RAB19: variants seen among roughly 807,000 people sequenced by gnomAD.
RAB19 encodes the protein RAB19, member RAS oncogene family.
In RAB19, 21 loss-of-function variants were observed where a neutral mutation model predicts 17.3. That is an observed-to-expected ratio of 1.21 (90% CI 0.86 to 1.74). The LOEUF (loss-of-function observed/expected upper bound fraction) is 1.74, where lower values mean the gene tolerates loss of function less well. Among genes scored for constraint, RAB19 ranks in the 40% most tolerant of loss-of-function variants. The pLI is 0.00. For missense variants in RAB19, 277 were observed against 286.8 expected (o/e 0.97, Z 0.25); for synonymous variants, 126 against 110.4 (o/e 1.14, Z -0.88).
intron 3 of RAB19, among the ~76,000 whole-genome samples, chr7:140,419,880 T>A (rs562284293): frequency 1.3e-3 from 197 of 152,330 alleles, no homozygotes; most frequent in African/African-American, 4.7e-3. Flanking sequence ...TTTCCCTGTT[T>A]ATTAATGAGA....
rs1413162236 is a variant in RAB19, at chr7:140,427,742, G to A, written c.*1592G>A. Among the ~76,000 whole-genome samples the A allele has an allele frequency of 3.3e-5, 5 of 151,020 alleles. No individual in the cohort carries two copies. The highest frequency in any genetic ancestry group is 7.4e-5 in the Non-Finnish European group (5 of 67,836). On this transcript the variant is annotated 3_prime_UTR_variant, in exon 4 of 4. Coordinates refer to ENST00000537763, the MANE Select transcript of RAB19 (RefSeq NM_001008749.3). ...GCTGGGATTACAGGTGTGAACCACC[G>A]CACCTGGCCTTTTTTTATTATTATT...
chr7:140,417,235 C>A (rs1006525036), intron 3 of RAB19, among the ~76,000 whole-genome samples: 247 of 116,548 alleles, frequency 2.1e-3, no homozygotes, highest in Middle Eastern at 4.4e-3. Context: ...GACTCTGTCT[C>A]AAAAAAAAAA....
chr7:140,420,339 T>C (rs1799534625), intron 3 of RAB19, among the ~76,000 whole-genome samples: 1 of 148,720 alleles, frequency 6.7e-6, no homozygotes. Flanking sequence ...GAGAATCGCT[T>C]GAACCCAGGA....
Position 140,407,698 on chromosome 7 carries a change from T to C in RAB19, c.52T>C (p.Phe18Leu), listed in dbSNP as rs1799269006. 1 of 1,614,010 alleles carries C rather than the reference T, an allele frequency of 6.2e-7. No individual in the cohort carries two copies. The highest frequency in any genetic ancestry group is 8.5e-7 in the Non-Finnish European group (1 of 1,180,030). Residue 18 changes from phenylalanine (F) to leucine (L), a missense_variant, in exon 2 of 4, where the codon TTC (phenylalanine) becomes CTC (leucine). By Grantham distance (22) the Phe-to-Leu change is conservative (BLOSUM62 0). Transcript: ENST00000537763. ...RAADENFDYL[F>L]KIILIGDSNV... ...AGCAGATGAGAACTTTGACTATTTGTTCAAGATTATCCTCATTGGGGATTC... is the reference window on the plus strand; with the variant it reads ...AGCAGATGAGAACTTTGACTATTTGCTCAAGATTATCCTCATTGGGGATTC...
At chr7:140,420,718 C>G (rs988231335) in intron 3 of RAB19, among the ~76,000 whole-genome samples, 1 of 151,972 alleles carries the variant, frequency 6.6e-6, no homozygotes, top group Non-Finnish European at 1.5e-5. Context: ...GCACTAGGGT[C>G]CTGTTGGGCT....
intron 3 of RAB19, among the ~76,000 whole-genome samples, chr7:140,415,080 T>TC (rs1256950713): frequency 2.0e-5 from 3 of 151,262 alleles, no homozygotes; most frequent in Admixed American, 6.6e-5. Context: ...TCTTTTCTTT[T>TC]CTTTTTTTTT....
intron 3 of RAB19, among the ~76,000 whole-genome samples, chr7:140,421,605 C>T (rs762833847): frequency 3.3e-5 from 5 of 152,180 alleles, no homozygotes; most frequent in Non-Finnish European, 5.9e-5. Context: ...GATCCACCAA[C>T]CTCAGCCTCC....
At chr7:140,424,711 A>G (rs1435010678) in intron 3 of RAB19, among the ~76,000 whole-genome samples, 1 of 146,822 alleles carries the variant, frequency 6.8e-6, no homozygotes, top group Non-Finnish European at 1.5e-5. Flanking sequence ...ATATATAATG[A>G]CTTCCCATAT....
At chr7:140,412,773 G>A (rs970189778) in intron 3 of RAB19, among the ~76,000 whole-genome samples, 16 of 150,854 alleles carry the variant, frequency 1.1e-4, no homozygotes, top group African/African-American at 3.2e-4. Context: ...GGGTACAGTG[G>A]GTTCTTAAAA....
rs147185052 is a variant in RAB19 at position 140,406,157 on chromosome 7, C to T, written c.-23-1467C>T. Among the ~76,000 whole-genome samples the T allele has an allele frequency of 7.9e-3, 1,166 of 148,158 alleles. 7 individuals carry two copies. The highest frequency in any genetic ancestry group is 0.011 in the Non-Finnish European group (770 of 67,464). ...ACTTGGGAGGCTGAGGCAAGAGAAT[C>T]GCTTGAACCCAGGAGGCGGAGGTTG... On this transcript the variant is annotated intron_variant, in intron 1 of 3. Transcript: ENST00000537763.
intron 3 of RAB19, 52 bp from the exon 4 acceptor site, chr7:140,425,830 A>C (rs1445253535): frequency 6.5e-7 from 1 of 1,542,658 alleles, no homozygotes; most frequent in East Asian, 2.3e-5. Flanking sequence ...TCATTTTGAA[A>C]GAAACCAGAT....
At chr7:140,413,365 T>C (rs1445228013) in intron 3 of RAB19, among the ~76,000 whole-genome samples, 1 of 151,536 alleles carries the variant, frequency 6.6e-6, no homozygotes, top group African/African-American at 2.4e-5. Context: ...CTATTCTGAG[T>C]CTTTCATGGT....
intron 3 of RAB19, among the ~76,000 whole-genome samples, chr7:140,425,623 C>T (rs994045483): frequency 3.3e-5 from 5 of 151,780 alleles, no homozygotes; most frequent in Non-Finnish European, 5.9e-5. Context: ...ACTTGGGAGG[C>T]TGAGGCAGGA....
chr7:140,410,873 G>C, intron 2 of RAB19: 1 of 1,288,314 alleles, frequency 7.8e-7, no homozygotes, highest in Non-Finnish European at 1.1e-6. Context: ...CACTGTGAGA[G>C]GCTGTGTGAA....
At chr7:140,411,556 A>G (rs1376883938) in intron 2 of RAB19, among the ~76,000 whole-genome samples, 1 of 149,182 alleles carries the variant, frequency 6.7e-6, no homozygotes. Flanking sequence ...AAAAAAATGC[A>G]GAAAAACTCA....
chr7:140,422,813 A>T (rs901581133), intron 3 of RAB19, among the ~76,000 whole-genome samples: 1 of 152,150 alleles, frequency 6.6e-6, no homozygotes, highest in Non-Finnish European at 1.5e-5. Context: ...CTCAAAAAAA[A>T]TGAATAAATA....
chr7:140,422,131 A>G (rs112058969), intron 3 of RAB19, among the ~76,000 whole-genome samples: 33,341 of 152,122 alleles, frequency 0.22, 4,287 homozygotes, highest in Non-Finnish European at 0.3. Context: ...TCACGCCTGT[A>G]ATCCCAACAC....
chr7:140,415,320 A>C (rs1381235893), intron 3 of RAB19, among the ~76,000 whole-genome samples: 1 of 151,936 alleles, frequency 6.6e-6, no homozygotes. Context: ...AGTGATCCAC[A>C]CACCTCGCCT....
chr7:140,421,037 C>A (rs1406042955), intron 3 of RAB19, among the ~76,000 whole-genome samples: 1 of 151,736 alleles, frequency 6.6e-6, no homozygotes. Context: ...GGATTATAGG[C>A]GCCCACCACC....
Sources: gnomAD v4.1 joint callset for allele counts (sites outside exome capture counted in the v4.1 genomes callset) on GRCh38, gnomAD v4.1.1 for gene constraint, MANE v1.5 for transcripts, NCBI Gene and HGNC (gene_info 2026-07-23, HGNC 2026-07-21) for gene names.